Variants in CDH23 observed in about 807,000 individuals in gnomAD.
CDH23 encodes the protein cadherin related 23, also known as cadherin-23.
CDH23 carries 189 observed loss-of-function variants against 317.1 expected under a neutral mutation model. The ratio of observed to expected loss-of-function variants is 0.60; its 90% CI spans 0.53 to 0.67. The LOEUF (loss-of-function observed/expected upper bound fraction) is 0.67. Ranked by LOEUF, CDH23 falls within the 30% of genes least tolerant of loss-of-function variation. CDH23 has a pLI of 0.00. For synonymous variants in CDH23, 1,839 were observed against 1,876.8 expected, an observed-to-expected ratio of 0.98 and a Z score of 0.52; for missense variants, 4,401 against 4,592.4, an observed-to-expected ratio of 0.96 and a Z score of 1.20.
At chr10:71,441,736 G>GA (rs67107908) in intron 2 of CDH23, among the ~76,000 whole-genome samples, 38,980 of 149,218 alleles carry the variant, frequency 0.26, 5,323 homozygotes, top group Admixed American at 0.35. Context: ...AAAGAAAAAA[G>GA]AAAAAAAAAA....
At chr10:71,494,067 C>T (rs1852819037) in intron 3 of CDH23, among the ~76,000 whole-genome samples, 2 of 152,078 alleles carry the variant, frequency 1.3e-5, no homozygotes, top group African/African-American at 2.4e-5. Context: ...TTTTGCCTTT[C>T]CCTTTTGTGA....
chr10:71,785,240 G>A (rs949277663), intron 43 of CDH23, 140 bp downstream of exon 43: 2 of 669,508 alleles, frequency 3.0e-6, no homozygotes, highest in African/African-American at 3.6e-5. Context: ...ACCTCTGTGG[G>A]AAGCATGGAA....
At chr10:71,532,711 G>GTTTTTTTTTTTTTTTTTTTTTTTTTTT (rs531593760) in intron 6 of CDH23, among the ~76,000 whole-genome samples, 1 of 128,150 alleles carries the variant, frequency 7.8e-6, no homozygotes, top group Non-Finnish European at 1.8e-5. Flanking sequence ...TTTTGTTTTT[G>GTTTTTTTTTTTTTTTTTTTTTTTTTTT]TTTTTTTTTT....
intron 6 of CDH23, among the ~76,000 whole-genome samples, chr10:71,548,421 T>C (rs1365936235): frequency 6.6e-6 from 1 of 152,130 alleles, no homozygotes; most frequent in Non-Finnish European, 1.5e-5. Context: ...GTCTTCTTTA[T>C]CTTCATGTAG....
At chr10:71,592,560 T>C (rs1249975853) in intron 9 of CDH23, among the ~76,000 whole-genome samples, 1 of 152,108 alleles carries the variant, frequency 6.6e-6, no homozygotes, top group African/African-American at 2.4e-5. Context: ...TCCGATCCCC[T>C]CTTCCCTGGT....
In CDH23 at chr10:71,615,573, G is replaced by A. The variant is rs121908355; in HGVS notation, c.902G>A (p.Arg301Gln). Residue 301 changes from arginine (R) to glutamine (Q), a missense_variant, in exon 10 of 70, where the codon CGG becomes CAG. Physicochemically the swap from Arg to Gln is conservative, Grantham distance 43 (BLOSUM62 1). This residue lies in a region of CDH23 where 3,068 missense variants were observed against 3,203.3 expected (regional missense o/e 0.96). Coordinates refer to ENST00000224721, the MANE Select transcript of CDH23 (RefSeq NM_022124.6). ...GVLTLNGLLDRENPLYSHGFI... is the reference protein window; with the variant it reads ...GVLTLNGLLDQENPLYSHGFI... ...CTGACCTTGAATGGCCTGCTGGACC[G>A]GGAGAACCCCCTGTACAGCCATGGC... is the stretch of plus-strand genomic sequence containing the variant. The A allele has an allele frequency of 8.7e-6, 14 of 1,613,794 alleles. No homozygotes were observed. The highest frequency in any genetic ancestry group is 1.3e-5 in the African/African-American group (1 of 74,898).
chr10:71,547,906 G>T (rs1443805379), intron 6 of CDH23, among the ~76,000 whole-genome samples: 1 of 152,222 alleles, frequency 6.6e-6, no homozygotes, highest in African/African-American at 2.4e-5. Context: ...AACTGCTGTG[G>T]CCAGGGCTAA....
Position 71,790,400 on chromosome 10 carries a change from C to T in CDH23, c.6036C>T (p.Ile2012=). 6.2e-7 allele frequency: 1 copy of T among 1,613,130 alleles called. No individual in the cohort carries two copies. The highest frequency in any genetic ancestry group is 8.5e-7 in the Non-Finnish European group (1 of 1,179,738). ...LLGAQSGLFD[I]NSSTGVVTVR... ...GTGCCCAGAGTGGCCTCTTTGACAT[C>T]AACAGCAGCACCGGTGAGGCCTCTG... is the stretch of plus-strand genomic sequence containing the variant. Residue 2012 remains isoleucine, a synonymous_variant, in exon 46 of 70, where the codon ATC becomes ATT. Coordinates refer to ENST00000224721, the MANE Select transcript of CDH23 (RefSeq NM_022124.6).
chr10:71,648,664 G>A (rs1028075614), intron 14 of CDH23, among the ~76,000 whole-genome samples: 6 of 152,230 alleles, frequency 3.9e-5, no homozygotes, highest in African/African-American at 7.2e-5. Context: ...TGGGGCTGGC[G>A]CTGGGGAGCA....
chr10:71,687,560 G>A lies in CDH23; in HGVS notation c.1987-87G>A. The A allele has an allele frequency of 9.0e-6, 11 of 1,222,886 alleles. No homozygotes were observed. In the South Asian group the frequency reaches 1.4e-4, roughly 15 times the overall value. 75.8% of individuals were successfully genotyped at this position (1,222,886 alleles called of 1,614,324 possible). On this transcript the variant is annotated intron_variant, in intron 18 of 69. Transcript: ENST00000224721. Reference sequence around the variant, plus strand: ...AGCTCTTTAGGGCCAGCCAGACCTAGCCTGACTCCTTGGTGCCCACCTTAG... The same window carrying A: ...AGCTCTTTAGGGCCAGCCAGACCTAACCTGACTCCTTGGTGCCCACCTTAG...
intron 3 of CDH23, among the ~76,000 whole-genome samples, chr10:71,465,823 TG>T: frequency 6.6e-6 from 1 of 152,150 alleles, no homozygotes; most frequent in Non-Finnish European, 1.5e-5. Flanking sequence ...CTTACTTCAG[TG>T]GAGTTGGAAA....
chr10:71,521,131 A>G (rs956166851), intron 6 of CDH23, among the ~76,000 whole-genome samples: 1 of 151,758 alleles, frequency 6.6e-6, no homozygotes, highest in Non-Finnish European at 1.5e-5. Flanking sequence ...AGATAATGCC[A>G]CCGAGAGATG....
intron 2 of CDH23, among the ~76,000 whole-genome samples, 174 bp from the exon 3 acceptor site, chr10:71,446,144 C>T (rs1850153909): frequency 6.6e-6 from 1 of 152,238 alleles, no homozygotes; most frequent in African/African-American, 2.4e-5. Context: ...GACCTACTGG[C>T]ATTGTCCCCC....
At chr10:71,690,226 G>A (rs1414534382) in intron 19 of CDH23, among the ~76,000 whole-genome samples, 4 of 152,118 alleles carry the variant, frequency 2.6e-5, no homozygotes, top group Non-Finnish European at 5.9e-5. Context: ...CCATCCCTAA[G>A]CCTCTCATGA....
At chr10:71,629,315 G>A (rs1342469956) in intron 11 of CDH23, among the ~76,000 whole-genome samples, 1 of 152,254 alleles carries the variant, frequency 6.6e-6, no homozygotes, top group Non-Finnish European at 1.5e-5. Context: ...TCCTGGGAGG[G>A]GCAGAACCAT....
rs1392616095 is a variant in CDH23 at position 71,811,590 on chromosome 10, T to A, written c.9278T>A (p.Val3093Glu). 1.2e-6 allele frequency: 2 copies of A among 1,613,942 alleles called. No homozygotes were observed. Among genetic ancestry groups the A allele is most frequent in the Non-Finnish European group, 1.7e-6 (2 of 1,179,886 alleles). The change falls in exon 64 of 70, where the codon GTA (valine) becomes GAA (glutamate). Residue 3093 changes from valine (V) to glutamate (E), a missense_variant and splice_region_variant. Physicochemically the swap from Val to Glu is moderately radical, Grantham distance 121. Transcript: ENST00000224721. Reference protein sequence around the residue: ...FVLMNWYYRTVHKRKLKAIVA... With the variant: ...FVLMNWYYRTEHKRKLKAIVA... ...CTCATGAACTGGTACTACAGGACTG[T>A]GTGAGTGTCCCCCACCCCTGCCATC...
intron 14 of CDH23, among the ~76,000 whole-genome samples, chr10:71,656,915 G>A (rs184523073): frequency 5.3e-5 from 8 of 152,150 alleles, no homozygotes; most frequent in South Asian, 2.1e-4. Flanking sequence ...GAGAATAGGC[G>A]GGGGGTAGGG....
Position 71,801,939 on chromosome 10 carries a change from G to C in CDH23, c.7483-959G>C, listed in dbSNP as rs150018177. 5.7e-3 allele frequency among the ~76,000 whole-genome samples: 866 copies of C among 152,328 alleles called. 5 individuals are homozygous for C. The highest frequency in any genetic ancestry group is 0.02 in the African/African-American group (811 of 41,568). The stretch of plus-strand genomic sequence containing the variant: ...GAGCCTCCATTGTCAAATCTGCAAA[G>C]GAGGGTGCAGATGTGCAATTGGGGA... On this transcript the variant is annotated intron_variant, in intron 53 of 69. Transcript: ENST00000224721.
chr10:71,783,967 T>A (rs183962388), intron 41 of CDH23, among the ~76,000 whole-genome samples: 1 of 152,274 alleles, frequency 6.6e-6, no homozygotes, highest in Admixed American at 6.5e-5. Context: ...GCCCCCACTT[T>A]TTCAACATAG....
Sources: allele counts gnomAD v4.1 joint callset (sites outside exome capture counted in the v4.1 genomes callset), GRCh38; gene constraint gnomAD v4.1.1; regional missense constraint gnomAD v4.1.1; transcripts MANE v1.5; gene names NCBI Gene and HGNC (gene_info 2026-07-23, HGNC 2026-07-21).